CHD7: variants seen among roughly 807,000 people sequenced by gnomAD.
CHD7 encodes ATP-dependent chromatin remodeler CHD7.
In CHD7, 24 loss-of-function variants were observed where a neutral mutation model predicts 307.3. The ratio of observed to expected loss-of-function variants is 0.08; its 90% confidence interval spans 0.06 to 0.11. The LOEUF is 0.11. Ranked by LOEUF, CHD7 falls within the 10% of genes least tolerant of loss-of-function variation. The pLI is 1.00. For missense variants in CHD7, 3,106 were observed against 3,727.1 expected (o/e 0.83, Z 4.34); for synonymous variants, 1,363 against 1,349.9 (o/e 1.01, Z -0.21).
intron 18 of CHD7, 102 bp from the exon 19 acceptor site, chr8:60,837,974 A>G: frequency 1.6e-6 from 2 of 1,258,340 alleles, no homozygotes; most frequent in Non-Finnish European, 2.1e-6. Context: ...CCTTTGTTAT[A>G]ATTTAGGTTT....
In CHD7 at chr8:60,866,080, G is replaced by T; in HGVS notation, c.*147G>T. Reference sequence around the variant, plus strand: ...AAAAAAGTTCAAGTCATGTTATACAGGTGTGTCAAAAGGTATCTTGGTCAT... The same window carrying T: ...AAAAAAGTTCAAGTCATGTTATACATGTGTGTCAAAAGGTATCTTGGTCAT... On this transcript the variant is annotated 3_prime_UTR_variant, in exon 38 of 38. Transcript: ENST00000423902. 1.5e-6 allele frequency: 1 copy of T among 673,116 alleles called. No homozygotes were observed. The highest frequency in any genetic ancestry group is 2.5e-6 in the Non-Finnish European group (1 of 394,772). 41.7% of individuals were successfully genotyped at this position (673,116 alleles called of 1,614,324 possible). A position where few individuals can be genotyped will look rare whatever the true frequency, so the allele number is the denominator to read the frequency against.
intron 28 of CHD7, 89 bp downstream of exon 28, chr8:60,851,408 G>GTCC: frequency 1.0e-6 from 1 of 963,802 alleles, no homozygotes; most frequent in Non-Finnish European, 1.6e-6. Context: ...CTTCATGACA[G>GTCC]CAGTGTCTTA....
intron 7 of CHD7, chr8:60,809,668 GAAAAAAAAAAAAA>G (rs36108691): frequency 6.2e-5 from 6 of 96,340 alleles, no homozygotes; most frequent in Non-Finnish European, 9.9e-5. Flanking sequence ...AGGGAGTTTT[GAAAAAAAAAAAAA>G]AAAAAAAAAA....
At chr8:60,768,136 C>T (rs1395449136) in intron 2 of CHD7, among the ~76,000 whole-genome samples, 1 of 151,860 alleles carries the variant, frequency 6.6e-6, no homozygotes, top group Non-Finnish European at 1.5e-5. Flanking sequence ...TTAATACTCC[C>T]CTCTGAAATC....
At chr8:60,847,477 A>G (rs1805265096) in intron 23 of CHD7, among the ~76,000 whole-genome samples, 1 of 152,246 alleles carries the variant, frequency 6.6e-6, no homozygotes, top group Non-Finnish European at 1.5e-5. Flanking sequence ...GTGAAGATCA[A>G]AAGGGCTAGT....
At chr8:60,736,393 C>T (rs892071815) in intron 1 of CHD7, among the ~76,000 whole-genome samples, 35 of 152,164 alleles carry the variant, frequency 2.3e-4, no homozygotes, top group Admixed American at 9.2e-4. Context: ...CCTTTGTCTT[C>T]GGTCTGTCCA....
chr8:60,837,651 T>C lies in CHD7; in HGVS notation c.4186-17T>C. Reference sequence around the variant, plus strand: ...TTAGGTTCATTGCAGTAACTATTAATTTCATTTTTCTTCCAGGCTCAGGCT... The same window carrying C: ...TTAGGTTCATTGCAGTAACTATTAACTTCATTTTTCTTCCAGGCTCAGGCT... On this transcript the variant is annotated splice_polypyrimidine_tract_variant and intron_variant, in intron 17 of 37. Transcript: ENST00000423902. The C allele has an allele frequency of 6.5e-7, 1 of 1,529,336 alleles. No individual in the cohort carries two copies. Among genetic ancestry groups the C allele is most frequent in the Non-Finnish European group, 8.8e-7 (1 of 1,133,194 alleles). The allele number at this position is 1,529,336 out of a possible 1,614,324, so 94.7% of individuals were successfully genotyped here. A position where few individuals can be genotyped will look rare whatever the true frequency, so the allele number is the denominator to read the frequency against.
At chr8:60,739,028 C>A (rs1310296372) in intron 1 of CHD7, among the ~76,000 whole-genome samples, 1 of 152,152 alleles carries the variant, frequency 6.6e-6, no homozygotes, top group South Asian at 2.1e-4. Context: ...GCACCAACTT[C>A]ATCGCCACTT....
At chr8:60,854,557 C>T (rs1805620361) in intron 32 of CHD7, 34 bp downstream of exon 32, 2 of 1,548,380 alleles carry the variant, frequency 1.3e-6, no homozygotes, top group Non-Finnish European at 1.7e-6. Flanking sequence ...GTTTTGCTGA[C>T]CAAAAAGGAT....
chr8:60,689,436 A>G (rs962099086), intron 1 of CHD7, among the ~76,000 whole-genome samples: 3 of 152,222 alleles, frequency 2.0e-5, no homozygotes, highest in Admixed American at 6.5e-5. Flanking sequence ...AATAATTGCT[A>G]TTTTACAGGT....
At chr8:60,755,434 A>G (rs1458410455) in intron 2 of CHD7, among the ~76,000 whole-genome samples, 1 of 152,118 alleles carries the variant, frequency 6.6e-6, no homozygotes, top group African/African-American at 2.4e-5. Flanking sequence ...CTCTGCAAGA[A>G]AGAGTGGTTC....
chr8:60,777,361 A>G (rs1228138943), intron 2 of CHD7, among the ~76,000 whole-genome samples: 3 of 152,238 alleles, frequency 2.0e-5, no homozygotes, highest in Admixed American at 1.3e-4. Flanking sequence ...CTCATGCTAT[A>G]CTCAAAATTG....
intron 8 of CHD7, among the ~76,000 whole-genome samples, chr8:60,818,320 C>T (rs1803842235): frequency 6.6e-6 from 1 of 152,176 alleles, no homozygotes; most frequent in African/African-American, 2.4e-5. Flanking sequence ...AATTTCGTCA[C>T]ATGTGTGATG....
intron 1 of CHD7, among the ~76,000 whole-genome samples, chr8:60,680,086 C>G (rs575789612): frequency 6.6e-6 from 1 of 151,420 alleles, no homozygotes; most frequent in Non-Finnish European, 1.5e-5. Flanking sequence ...AACCTTCCAA[C>G]GCAACTCGGC....
rs1165168134 is a variant in CHD7 at position 60,679,129 on chromosome 8, C to T, written c.-175+47C>T. On this transcript the variant is annotated intron_variant, in intron 1 of 37. Transcript: ENST00000423902. The stretch of plus-strand genomic sequence containing the variant: ...GCGCCCCCGGGAGGGGCGGCGGCGG[C>T]GGCGGCGGCAGGAAATCGCTCCGGG... The T allele has an allele frequency of 3.1e-5, 5 of 159,288 alleles. No individual in the cohort carries two copies. The East Asian group carries it at 5.6e-4, about 18-fold the overall frequency. The allele number at this position is 159,288 out of a possible 1,614,324, so 9.9% of individuals were successfully genotyped here.
intron 7 of CHD7, chr8:60,808,610 C>T (rs1004656441): frequency 3.5e-6 from 1 of 288,932 alleles, no homozygotes; most frequent in South Asian, 3.7e-5. Flanking sequence ...ACACTTCGTC[C>T]CTTCACCTGT....
At chr8:60,806,630 C>T (rs1812548698) in intron 6 of CHD7, among the ~76,000 whole-genome samples, 1 of 152,134 alleles carries the variant, frequency 6.6e-6, no homozygotes. Flanking sequence ...TATGGCACAA[C>T]CAGATATTAA....
rs745361070 is a variant in CHD7 at position 60,854,405 on chromosome 8, A to G, written c.6818A>G (p.Asn2273Ser). ...GGGAAGAATTTTGATGAAGAAAGCA[A>G]TGCTTCCATGAGCACTGCTAGAGAT... ...SRGKNFDEES[N>S]ASMSTARDET... Residue 2273 changes from asparagine to serine, a missense_variant, in exon 32 of 38, where the codon AAT (asparagine) becomes AGT (serine). This residue lies in a region of CHD7 where 1,030 missense variants were observed against 1,165.4 expected (regional missense o/e 0.88). Coordinates refer to ENST00000423902, the MANE Select transcript of CHD7 (RefSeq NM_017780.4). The G allele has an allele frequency of 3.7e-6, 6 of 1,613,684 alleles. No homozygotes were observed. Among genetic ancestry groups the G allele is most frequent in the East Asian group, 2.2e-5 (1 of 44,882 alleles).
intron 3 of CHD7, among the ~76,000 whole-genome samples, chr8:60,785,031 G>A (rs149116517): frequency 4.6e-4 from 70 of 152,328 alleles, no homozygotes; most frequent in African/African-American, 1.5e-3. Flanking sequence ...GGGTTGGAGA[G>A]GATACCGTTT....
Sources: allele counts gnomAD v4.1 joint callset (sites outside exome capture counted in the v4.1 genomes callset), GRCh38; gene constraint gnomAD v4.1.1; regional missense constraint gnomAD v4.1.1; transcripts MANE v1.5; gene names NCBI Gene and HGNC (gene_info 2026-07-23, HGNC 2026-07-21).